Variants in DAPK1 observed in about 807,000 individuals in gnomAD.
DAPK1 encodes the protein death-associated protein kinase 1.
Under a neutral mutation model 144.9 loss-of-function variants are expected in DAPK1, and 56 were observed. The ratio of observed to expected loss-of-function variants is 0.39; its 90% CI spans 0.31 to 0.48. The LOEUF (loss-of-function observed/expected upper bound fraction) is 0.48, where lower values mean the gene tolerates loss of function less well. Among genes scored for constraint, DAPK1 ranks in the 20% least tolerant of loss-of-function variants. The pLI, the probability that DAPK1 is intolerant of heterozygous loss-of-function variation, is 0.95. For synonymous variants in DAPK1, 690 were observed against 749.0 expected (o/e 0.92, Z 1.29); for missense variants, 1,454 against 1,875.4 (o/e 0.78, Z 4.15).
intron 14 of DAPK1, among the ~76,000 whole-genome samples, chr9:87,648,033 T>C (rs1830329074): frequency 6.6e-6 from 1 of 152,224 alleles, no homozygotes; most frequent in Non-Finnish European, 1.5e-5. Flanking sequence ...CTTCTCTGCT[T>C]CCAGTACTGG....
At chr9:87,632,257 A>G (rs1829719130) in intron 3 of DAPK1, 3 of 983,400 alleles carry the variant, frequency 3.1e-6, no homozygotes, top group Non-Finnish European at 3.6e-6. Flanking sequence ...GTGAAGGGTG[A>G]TCAGTATATA....
intron 2 of DAPK1, among the ~76,000 whole-genome samples, chr9:87,543,355 C>G (rs929718414): frequency 1.3e-5 from 2 of 152,204 alleles, no homozygotes; most frequent in Admixed American, 1.3e-4. Context: ...TTATCACTTA[C>G]AAATGAACAC....
At position 87,698,661 on chromosome 9, in the gene DAPK1, G is replaced by A. The variant is rs368259645; in HGVS notation, c.2617G>A (p.Gly873Ser). Residue 873 changes from glycine to serine, a missense_variant, in exon 23 of 26, where the codon GGT becomes AGT. By Grantham distance (56) the Gly-to-Ser change is moderately conservative. Transcript: ENST00000408954. ...LVPVEEPIAF[G>S]GKLKNPLQVV... is the part of the protein sequence containing the mutation. ...AGTTCCCTCTCTGCCCCCAGCCTTC[G>A]GTGGCAAGCTGAAGAACCCACTCCA... is the stretch of plus-strand genomic sequence containing the variant. 31 of 1,604,816 alleles carry A rather than the reference G, an allele frequency of 1.9e-5. No individual in the cohort carries two copies. The highest frequency in any genetic ancestry group is 6.7e-5 in the African/African-American group (5 of 74,750).
chr9:87,680,652 C>G (rs890456837), intron 19 of DAPK1, among the ~76,000 whole-genome samples: 8 of 122,670 alleles, frequency 6.5e-5, no homozygotes, highest in Non-Finnish European at 1.3e-4. Flanking sequence ...CACACACACA[C>G]GCGCACACAC....
intron 2 of DAPK1, among the ~76,000 whole-genome samples, chr9:87,590,131 A>G (rs1587745354): frequency 6.6e-6 from 1 of 152,164 alleles, no homozygotes; most frequent in Non-Finnish European, 1.5e-5. Context: ...GAGGGCTCCA[A>G]TTTGGTTCCC....
At chr9:87,499,268 A>G (rs775077331) in intron 2 of DAPK1, 129 bp downstream of exon 2, 7 of 849,528 alleles carry the variant, frequency 8.2e-6, no homozygotes, top group Non-Finnish European at 1.3e-5. Context: ...CGCAAATCAT[A>G]GAGAAAAGAG....
At chr9:87,696,703 A>G (rs1825270323) in intron 21 of DAPK1, among the ~76,000 whole-genome samples, 1 of 152,146 alleles carries the variant, frequency 6.6e-6, no homozygotes, top group African/African-American at 2.4e-5. Flanking sequence ...CACAAGAGCA[A>G]GAACACACTC....
intron 2 of DAPK1, among the ~76,000 whole-genome samples, chr9:87,599,553 ATG>A (rs1177557180): frequency 1.3e-5 from 2 of 152,194 alleles, no homozygotes; most frequent in African/African-American, 4.8e-5. Context: ...TAAAGGAAGA[ATG>A]TGTCTCATTA....
In DAPK1 at chr9:87,547,014, G is replaced by A. The variant is rs1563986002; in HGVS notation, c.62+47875G>A. 2.0e-5 allele frequency among the ~76,000 whole-genome samples: 3 copies of A among 152,002 alleles called. 1 individual carries two copies. Among genetic ancestry groups the A allele is most frequent in the South Asian group, 4.1e-4 (2 of 4,828 alleles). ...TCTACAAAATACACAAAAATTAGCC[G>A]GGTGTGTTGGCATGCGCCTATAGTC... On this transcript the variant is annotated intron_variant, in intron 2 of 25. Coordinates refer to ENST00000408954, the MANE Select transcript of DAPK1 (RefSeq NM_004938.4).
At chr9:87,578,190 T>C (rs1827630782) in intron 2 of DAPK1, among the ~76,000 whole-genome samples, 1 of 152,236 alleles carries the variant, frequency 6.6e-6, no homozygotes, top group South Asian at 2.1e-4. Context: ...CCATTAAATG[T>C]TAACATTTTG....
intron 2 of DAPK1, among the ~76,000 whole-genome samples, chr9:87,526,148 TAAA>T (rs56046499): frequency 7.1e-6 from 1 of 141,544 alleles, no homozygotes; most frequent in African/African-American, 2.6e-5. Context: ...TCTCTACAAT[TAAA>T]AAAAAAAAAA....
chr9:87,672,774 G>A (rs1258688491), intron 19 of DAPK1, among the ~76,000 whole-genome samples: 4 of 152,270 alleles, frequency 2.6e-5, no homozygotes, highest in South Asian at 2.1e-4. Context: ...GGGCACACCC[G>A]GTACTGGAAT....
intron 19 of DAPK1, among the ~76,000 whole-genome samples, chr9:87,671,374 T>C (rs998033122): frequency 4.6e-5 from 7 of 151,990 alleles, no homozygotes; most frequent in African/African-American, 1.7e-4. Flanking sequence ...TACAAAAATA[T>C]AAAATATATT....
chr9:87,639,864 ATAGGTTTAATTAACCATTAAATG>A, intron 7 of DAPK1, 49 bp downstream of exon 7: 1 of 1,590,882 alleles, frequency 6.3e-7, no homozygotes, highest in Non-Finnish European at 8.6e-7. Flanking sequence ...CTATGAGACC[ATAGGTTTAATTAACCATTAAATG>A]TGCTGTGTTG....
At chr9:87,600,147 C>T (rs549316294) in intron 2 of DAPK1, among the ~76,000 whole-genome samples, 68 of 152,242 alleles carry the variant, frequency 4.5e-4, no homozygotes, top group African/African-American at 1.3e-3. Flanking sequence ...GTGTGAGAGC[C>T]GAAGCAAGAA....
chr9:87,545,665 C>T (rs1826224014), intron 2 of DAPK1, among the ~76,000 whole-genome samples: 6 of 152,178 alleles, frequency 3.9e-5, no homozygotes, highest in Admixed American at 3.9e-4. Flanking sequence ...TCCTGTCCAG[C>T]CTCCCAAGTA....
chr9:87,629,822 G>A lies in DAPK1; in HGVS notation c.285-8121G>A, dbSNP rs938430194. 2.0e-5 allele frequency among the ~76,000 whole-genome samples: 3 copies of A among 152,190 alleles called. No homozygotes were observed. The South Asian group carries it at 6.2e-4, about 32-fold the overall frequency. ...TAGGGCCAAACACCTGAAATCAGGA[G>A]CTGGATTCTAAATCCCCCTTCCCTT... is the stretch of plus-strand genomic sequence containing the variant. On this transcript the variant is annotated intron_variant, in intron 3 of 25. Transcript: ENST00000408954.
At chr9:87,505,703 T>G (rs1563962912) in intron 2 of DAPK1, among the ~76,000 whole-genome samples, 1 of 150,644 alleles carries the variant, frequency 6.6e-6, no homozygotes, top group African/African-American at 2.5e-5. Flanking sequence ...CCTTTTGCAT[T>G]TTTGGAGACG....
At chr9:87,656,861 A>AAG (rs1359813782) in intron 17 of DAPK1, among the ~76,000 whole-genome samples, 2 of 152,196 alleles carry the variant, frequency 1.3e-5, no homozygotes, top group Non-Finnish European at 2.9e-5. Context: ...ATTCATAGAT[A>AAG]AGAGCTTGGG....
Sources: gnomAD v4.1 joint callset for allele counts (sites outside exome capture counted in the v4.1 genomes callset) on GRCh38, gnomAD v4.1.1 for gene constraint, MANE v1.5 for transcripts, NCBI Gene and HGNC (gene_info 2026-07-23, HGNC 2026-07-21) for gene names.